Variants in PRIM2 observed in about 807,000 individuals in gnomAD.
The protein encoded by PRIM2 is DNA primase large subunit.
PRIM2 carries 39 observed loss-of-function variants against 67.3 expected under a neutral mutation model. That is an observed-to-expected ratio of 0.58 (90% CI 0.45 to 0.76). PRIM2 has a LOEUF of 0.76. Among genes scored for constraint, PRIM2 ranks in the 30% least tolerant of loss-of-function variants. The probability of loss-of-function intolerance (pLI) is 0.00; values close to 1 mark genes in which losing one functional copy is unlikely to be tolerated. For synonymous variants in PRIM2, 143 were observed against 198.7 expected, an observed-to-expected ratio of 0.72 and a Z score of 2.36; for missense variants, 398 against 598.7, an observed-to-expected ratio of 0.66 and a Z score of 3.50.
chr6:57,417,787 G>C (rs1771318444), intron 7 of PRIM2, among the ~76,000 whole-genome samples: 1 of 152,170 alleles, frequency 6.6e-6, no homozygotes, highest in Admixed American at 6.5e-5. Context: ...CATGCTATTG[G>C]AAAAATGCAG....
rs1247767153 is a variant in PRIM2, at chr6:57,531,789, A to G, written c.762-622A>G. On this transcript the variant is annotated intron_variant, in intron 8 of 13. Coordinates refer to ENST00000615550, the MANE Select transcript of PRIM2 (RefSeq NM_000947.5). The stretch of plus-strand genomic sequence containing the variant: ...TCCAAGCCTCCATTCATCAGATGAT[A>G]TACAGAAACGCTCTTTCAGGGGGTT... Among the ~76,000 whole-genome samples, 8 of 152,346 alleles carry G rather than the reference A, an allele frequency of 5.3e-5. No homozygotes were observed. The East Asian group carries it at 1.5e-3, about 29-fold the overall frequency.
chr6:57,256,028 C>T, the PRIM2 span, among the ~76,000 whole-genome samples: 2 of 145,890 alleles, frequency 1.4e-5, no homozygotes, highest in African/African-American at 5.5e-5. Flanking sequence ...CACACATACA[C>T]ACACACACAC....
At chr6:57,328,869 G>A (rs1367652024) in intron 5 of PRIM2, among the ~76,000 whole-genome samples, 1 of 152,144 alleles carries the variant, frequency 6.6e-6, no homozygotes, top group Non-Finnish European at 1.5e-5. Context: ...AGTATGAAGT[G>A]GTATGTAATT....
At chr6:57,376,096 G>T (rs1225095290) in intron 5 of PRIM2, among the ~76,000 whole-genome samples, 1 of 152,110 alleles carries the variant, frequency 6.6e-6, no homozygotes, top group East Asian at 1.9e-4. Flanking sequence ...GGGCATGGTG[G>T]TTTGTGCCTG....
intron 7 of PRIM2, among the ~76,000 whole-genome samples, chr6:57,443,679 G>A (rs533461874): frequency 5.3e-5 from 8 of 152,016 alleles, no homozygotes; most frequent in Non-Finnish European, 1.2e-4. Context: ...CTTATCAGGC[G>A]TAACACTTGG....
At chr6:57,244,654 C>T in the PRIM2 span, among the ~76,000 whole-genome samples, 73,037 of 151,280 alleles carry the variant, frequency 0.48, 18,070 homozygotes, top group East Asian at 0.79. Context: ...CCAGCTACTC[C>T]GGAGGCTGAG....
Position 57,318,540 on chromosome 6 carries a change from C to T in PRIM2, c.95C>T (p.Pro32Leu). 5.6e-6 allele frequency: 9 copies of T among 1,596,894 alleles called. No individual in the cohort carries two copies. Among genetic ancestry groups the T allele is most frequent in the Non-Finnish European group, 6.0e-6 (7 of 1,170,716 alleles). The change falls in exon 2 of 14, where the codon CCA becomes CTA. Residue 32 changes from proline (P) to leucine (L), a missense_variant. By Grantham distance (98) the Pro-to-Leu change is moderately conservative. Coordinates refer to ENST00000615550, the MANE Select transcript of PRIM2 (RefSeq NM_000947.5). ...CATTGCCTTCAGTTTTACTTGCAGC[C>T]ACCTTCTGAAAACATATCTTTAATA... Reference protein sequence around the residue: ...YPHCLQFYLQPPSENISLIEF... With the variant: ...YPHCLQFYLQLPSENISLIEF...
intron 12 of PRIM2, among the ~76,000 whole-genome samples, chr6:57,625,471 G>C (rs1201285409): frequency 3.3e-5 from 5 of 152,198 alleles, no homozygotes; most frequent in Admixed American, 6.5e-5. Flanking sequence ...TGCAGGAGAA[G>C]CTGGACCAGA....
the PRIM2 span, among the ~76,000 whole-genome samples, chr6:57,303,341 G>T: frequency 6.6e-6 from 1 of 151,802 alleles, no homozygotes. Context: ...GTGAATCACT[G>T]TCATCATATT....
chr6:57,277,110 G>A, the PRIM2 span, among the ~76,000 whole-genome samples: 3 of 152,272 alleles, frequency 2.0e-5, no homozygotes, highest in Admixed American at 6.5e-5. Flanking sequence ...TACCATCAGA[G>A]AGACTCAGTA....
intron 5 of PRIM2, among the ~76,000 whole-genome samples, chr6:57,353,553 TG>T (rs1178840602): frequency 6.6e-6 from 1 of 152,218 alleles, no homozygotes; most frequent in Non-Finnish European, 1.5e-5. Context: ...TTGAGACAGG[TG>T]TGTGCACATG....
At chr6:57,580,762 T>G (rs1196743434) in intron 10 of PRIM2, among the ~76,000 whole-genome samples, 1 of 152,208 alleles carries the variant, frequency 6.6e-6, no homozygotes, top group Admixed American at 6.5e-5. Context: ...TTTTTCTGCT[T>G]TTGCTATTTC....
intron 7 of PRIM2, among the ~76,000 whole-genome samples, chr6:57,469,260 T>A (rs1773280450): frequency 6.6e-6 from 1 of 152,246 alleles, no homozygotes; most frequent in South Asian, 2.1e-4. Context: ...TCCTGGCAGA[T>A]TAGCTTTCAG....
chr6:57,359,253 T>G (rs1490589775), intron 5 of PRIM2, among the ~76,000 whole-genome samples: 1 of 152,218 alleles, frequency 6.6e-6, no homozygotes, highest in Admixed American at 6.5e-5. Context: ...AGCTCTGGGA[T>G]GCCATTAAGA....
chr6:57,378,717 A>G (rs9464457), intron 5 of PRIM2, among the ~76,000 whole-genome samples: 2 of 152,142 alleles, frequency 1.3e-5, no homozygotes, highest in African/African-American at 4.8e-5. Flanking sequence ...TCATTTGAGC[A>G]GGAAGGTCTC....
chr6:57,491,552 A>G (rs1429176906), intron 7 of PRIM2, among the ~76,000 whole-genome samples: 3 of 152,126 alleles, frequency 2.0e-5, no homozygotes, highest in Admixed American at 2.0e-4. Flanking sequence ...CTTTGATCTC[A>G]TATTGCAGTA....
At chr6:57,460,747 T>C (rs1265513968) in intron 7 of PRIM2, among the ~76,000 whole-genome samples, 1 of 152,216 alleles carries the variant, frequency 6.6e-6, no homozygotes, top group African/African-American at 2.4e-5. Context: ...CTAAGCTGTG[T>C]TTTCCTTGCT....
the PRIM2 span, among the ~76,000 whole-genome samples, chr6:57,294,337 C>T: frequency 2.6e-5 from 4 of 151,738 alleles, no homozygotes; most frequent in Admixed American, 1.3e-4. Flanking sequence ...AAAAATTAGC[C>T]GGGTGTGATG....
chr6:57,514,574 T>C lies in PRIM2; in HGVS notation c.761+7120T>C, dbSNP rs1481914271. Among the ~76,000 whole-genome samples, 6 of 152,232 alleles carry C rather than the reference T, an allele frequency of 3.9e-5. 1 individual carries two copies. In the South Asian group the frequency reaches 8.3e-4, roughly 21 times the overall value. ...ACAAGCTTTTATAGTTCACTGATTA[T>C]AGTGAAGGTTTTCCAGGTGCTGTGT... is the stretch of plus-strand genomic sequence containing the variant. On this transcript the variant is annotated intron_variant, in intron 8 of 13. Transcript: ENST00000615550.
Sources: gnomAD v4.1 joint callset for allele counts (sites outside exome capture counted in the v4.1 genomes callset) on GRCh38, gnomAD v4.1.1 for gene constraint, MANE v1.5 for transcripts, NCBI Gene and HGNC (gene_info 2026-07-23, HGNC 2026-07-21) for gene names.